TMEM252: variants seen among roughly 807,000 people sequenced by gnomAD.
TMEM252 encodes the protein transmembrane protein C9orf71.
TMEM252 carries 4 observed loss-of-function variants against 6.4 expected under a neutral mutation model. The observed-to-expected ratio is 0.62, with a 90% CI of 0.31 to 1.43. The LOEUF (loss-of-function observed/expected upper bound fraction) is 1.43, where lower values mean the gene tolerates loss of function less well. Among genes scored for constraint, TMEM252 ranks in the 40% most tolerant of loss-of-function variants. The pLI, the probability that TMEM252 is intolerant of heterozygous loss-of-function variation, is 0.07. For missense variants in TMEM252, 207 were observed against 209.4 expected, an observed-to-expected ratio of 0.99 and a Z score of 0.07; for synonymous variants, 85 against 82.5, an observed-to-expected ratio of 1.03 and a Z score of -0.17.
chr9:68,538,116 T>A (rs936844521), intron 1 of TMEM252, among the ~76,000 whole-genome samples: 2 of 152,236 alleles, frequency 1.3e-5, no homozygotes, highest in African/African-American at 2.4e-5. Flanking sequence ...TTGTAGCCCT[T>A]TCTATGCCAG....
At chr9:68,537,619 CAG>C (rs1825157458) in intron 1 of TMEM252, 126 bp from the exon 2 acceptor site, 2 of 710,214 alleles carry the variant, frequency 2.8e-6, no homozygotes, top group Non-Finnish European at 4.5e-6. Context: ...ATTTTTGAAA[CAG>C]ATGTACTTCT....
At chr9:68,540,473 C>T (rs1322130389) in intron 1 of TMEM252, 64 bp downstream of exon 1, 28 of 1,592,806 alleles carry the variant, frequency 1.8e-5, no homozygotes, top group African/African-American at 8.1e-5. Context: ...TCAGAAATTA[C>T]TCAGATCTTA....
chr9:68,540,832 C>A lies in TMEM252; in HGVS notation c.-18G>T. On this transcript the variant is annotated 5_prime_UTR_variant, in exon 1 of 2. Coordinates refer to ENST00000377311, the MANE Select transcript of TMEM252 (RefSeq NM_153237.2). ...TTCTGCATCCTTGCACCTTAGGAAC[C>A]CAGCACCCTGACCCTGCTGCTCCTC... is the stretch of plus-strand genomic sequence containing the variant. 1 of 1,608,226 alleles carries A rather than the reference C, an allele frequency of 6.2e-7. No individual in the cohort carries two copies. The highest frequency in any genetic ancestry group is 8.5e-7 in the Non-Finnish European group (1 of 1,176,294).
At chr9:68,537,583 C>T (rs1013760230) in intron 1 of TMEM252, 90 bp from the exon 2 acceptor site, 39 of 952,228 alleles carry the variant, frequency 4.1e-5, no homozygotes, top group East Asian at 1.7e-4. Context: ...TCAAATTGTG[C>T]GAAGCTAAAC....
At chr9:68,539,452 C>T (rs2132129012) in intron 1 of TMEM252, among the ~76,000 whole-genome samples, 1 of 152,328 alleles carries the variant, frequency 6.6e-6, no homozygotes, top group East Asian at 1.9e-4. Context: ...GGTCCCCAGT[C>T]TCTCCTTCCA....
At chr9:68,540,488 A>G (rs1177595936) in intron 1 of TMEM252, 49 bp downstream of exon 1, 3 of 1,605,508 alleles carry the variant, frequency 1.9e-6, no homozygotes, top group African/African-American at 1.3e-5. Context: ...ATCTTACACA[A>G]CTCAGCCCAT....
rs375640808 is a variant in TMEM252, at chr9:68,540,624, C to G, written c.191G>C (p.Arg64Pro). 1.2e-6 allele frequency: 2 copies of G among 1,614,142 alleles called. No individual in the cohort carries two copies. The highest frequency in any genetic ancestry group is 1.7e-6 in the Non-Finnish European group (2 of 1,180,022). Residue 64 changes from arginine (R) to proline (P), a missense_variant, in exon 1 of 2, where the codon CGC (arginine) becomes CCC (proline). Physicochemically the swap from Arg to Pro is moderately radical, Grantham distance 103. Coordinates refer to ENST00000377311, the MANE Select transcript of TMEM252 (RefSeq NM_153237.2). ...CACTCCTTTGCTTTCAGTCACCTGG[C>G]GATAGTTGCTCCAGAAAATTCCACT... ...LLSGIFWSNY[R>P]QVTESKGVLR... is the part of the protein sequence containing the mutation.
rs567386476 is a variant in TMEM252 at position 68,537,010 on chromosome 9, C to T, written c.*249G>A. ...ACACCTTTGGGGACCCAAGGCCAGC[C>T]GGGGTTAAGATTAGTGTGAATGCTC... On this transcript the variant is annotated 3_prime_UTR_variant, in exon 2 of 2. Coordinates refer to ENST00000377311, the MANE Select transcript of TMEM252 (RefSeq NM_153237.2). 111 of 430,622 alleles carry T rather than the reference C, an allele frequency of 2.6e-4. 1 individual carries two copies. The highest frequency in any genetic ancestry group is 1.8e-3 in the Middle Eastern group (3 of 1,662). 26.7% of individuals were successfully genotyped at this position (430,622 alleles called of 1,614,324 possible). A position where few individuals can be genotyped will look rare whatever the true frequency, so the allele number is the denominator to read the frequency against.
chr9:68,540,513 G>A, intron 1 of TMEM252, 24 bp downstream of exon 1: 2 of 1,610,548 alleles, frequency 1.2e-6, no homozygotes, highest in Middle Eastern at 1.8e-4. Flanking sequence ...GCCCTTCTTG[G>A]TCCCTCTGCC....
chr9:68,536,947 C>A lies in TMEM252; in HGVS notation c.*312G>T. On this transcript the variant is annotated 3_prime_UTR_variant, in exon 2 of 2. Coordinates refer to ENST00000377311, the MANE Select transcript of TMEM252 (RefSeq NM_153237.2). ...AGGTGATGGGAGGGAAATTGAGTGACAGCAGAAAGAATCTCTGTAAGCAGA... is the reference window on the plus strand; with the variant it reads ...AGGTGATGGGAGGGAAATTGAGTGAAAGCAGAAAGAATCTCTGTAAGCAGA... The A allele has an allele frequency of 3.5e-6, 1 of 285,500 alleles. No individual in the cohort carries two copies. The highest frequency in any genetic ancestry group is 6.5e-6 in the Non-Finnish European group (1 of 154,076). 17.7% of individuals were successfully genotyped at this position (285,500 alleles called of 1,614,324 possible).
intron 1 of TMEM252, 109 bp downstream of exon 1, chr9:68,540,428 A>G: frequency 6.9e-7 from 1 of 1,452,820 alleles, no homozygotes; most frequent in Non-Finnish European, 9.4e-7. Context: ...CTAGACAGAC[A>G]GCCCATGGGA....
Position 68,537,460 on chromosome 9 carries a change from G to A in TMEM252, c.312C>T (p.Ser104=), listed in dbSNP as rs747477601. 2.5e-6 allele frequency: 4 copies of A among 1,602,434 alleles called. No homozygotes were observed. In the Admixed American group the frequency reaches 5.3e-5, roughly 21 times the overall value. ...GACAGCTCTGCTTTTCCACCTCAAG[G>A]CTCTCTTCATAAGCTGGAGGGTAAA... The part of the protein sequence containing the change: ...PDFYPPAYEE[S]LEVEKQSCPA... The change falls in exon 2 of 2, where the codon AGC becomes AGT. Residue 104 remains serine, a synonymous_variant. Coordinates refer to ENST00000377311, the MANE Select transcript of TMEM252 (RefSeq NM_153237.2).
At chr9:68,540,395 T>C in intron 1 of TMEM252, 142 bp downstream of exon 1, 1 of 1,228,190 alleles carries the variant, frequency 8.1e-7, no homozygotes, top group East Asian at 2.5e-5. Context: ...CCAGAGTAAT[T>C]CCCTGACAAT....
At chr9:68,540,420 A>T in intron 1 of TMEM252, 117 bp downstream of exon 1, 1 of 1,415,754 alleles carries the variant, frequency 7.1e-7, no homozygotes, top group Non-Finnish European at 9.6e-7. Flanking sequence ...CTTTGGTTCT[A>T]GACAGACAGC....
chr9:68,539,257 G>C (rs954300561), intron 1 of TMEM252, among the ~76,000 whole-genome samples: 5 of 152,208 alleles, frequency 3.3e-5, no homozygotes, highest in Non-Finnish European at 7.3e-5. Flanking sequence ...CCTGTGGCTA[G>C]CCAAGAATTA....
At chr9:68,538,565 A>G (rs1431144371) in intron 1 of TMEM252, among the ~76,000 whole-genome samples, 1 of 152,168 alleles carries the variant, frequency 6.6e-6, no homozygotes, top group Non-Finnish European at 1.5e-5. Context: ...GCCTGCCCCA[A>G]ATCCCAGCTA....
At position 68,540,581 on chromosome 9, in the gene TMEM252, TC is replaced by T. The variant is rs1323203217; in HGVS notation, c.233del (p.Arg78HisfsTer14). 1.2e-6 allele frequency: 2 copies of T among 1,614,208 alleles called. No homozygotes were observed. Among genetic ancestry groups the T allele is most frequent in the Admixed American group, 1.7e-5 (1 of 60,032 alleles). On this transcript the variant is annotated frameshift_variant, in exon 1 of 2. Coordinates refer to ENST00000377311, the MANE Select transcript of TMEM252 (RefSeq NM_153237.2). LOFTEE classifies it low-confidence loss of function (END_TRUNC). ...ESKGVLRHMLRQHLAHGALPV... is the reference protein window; with the variant it reads ...ESKGVLRHMLXQHLAHGALPV... ...GCAGGGCCCCATGAGCAAGGTGTTG[TC>T]GGAGCATGTGCCTCAACACTCCTTT...
chr9:68,538,328 G>T (rs926610769), intron 1 of TMEM252, among the ~76,000 whole-genome samples: 2 of 152,196 alleles, frequency 1.3e-5, no homozygotes, highest in African/African-American at 4.8e-5. Context: ...AGTGTTTATG[G>T]TGTGTAACCA....
intron 1 of TMEM252, among the ~76,000 whole-genome samples, chr9:68,538,426 A>C (rs182788291): frequency 1.3e-5 from 2 of 152,248 alleles, no homozygotes. Flanking sequence ...GCTGTCTACT[A>C]TAAGGCATAA....
Sources: allele counts gnomAD v4.1 joint callset (sites outside exome capture counted in the v4.1 genomes callset), GRCh38; gene constraint gnomAD v4.1.1; transcripts MANE v1.5; gene names NCBI Gene and HGNC (gene_info 2026-07-23, HGNC 2026-07-21).